The following NKAIN3 variants were observed in gnomAD, a reference collection of about 807,000 sequenced individuals.
The protein encoded by NKAIN3 is sodium/potassium transporting ATPase interacting 3, also known as sodium/potassium-transporting ATPase subunit beta-1-interacting protein 3.
Under a neutral mutation model 30.2 loss-of-function variants are expected in NKAIN3, and 25 were observed. The observed-to-expected ratio is 0.83, with a 90% CI of 0.60 to 1.16. The LOEUF (loss-of-function observed/expected upper bound fraction) is 1.16. Ranked by LOEUF, NKAIN3 falls within the 50% of genes most tolerant of loss-of-function variation. The pLI is 0.00. For synonymous variants in NKAIN3, 91 were observed against 89.6 expected (o/e 1.02, Z -0.09); for missense variants, 225 against 254.1 (o/e 0.89, Z 0.78).
chr8:62,552,195 G>A (rs1037974030), intron 1 of NKAIN3, among the ~76,000 whole-genome samples: 1 of 152,088 alleles, frequency 6.6e-6, no homozygotes, highest in Non-Finnish European at 1.5e-5. Context: ...TTATTTCCAA[G>A]TATGGTTCTC....
In NKAIN3 at chr8:62,294,989, T is replaced by C. The variant is rs147478657; in HGVS notation, c.54+45862T>C. 2.6e-3 allele frequency among the ~76,000 whole-genome samples: 401 copies of C among 152,332 alleles called. 1 individual carries two copies. The highest frequency in any genetic ancestry group is 8.9e-3 in the African/African-American group (371 of 41,578). On this transcript the variant is annotated intron_variant, in intron 1 of 6. Coordinates refer to ENST00000623646, the MANE Select transcript of NKAIN3 (RefSeq NM_001304533.3). ...GGGGCATGTTCCAGTGTTTGTGTCATGTTGTTGGGGTAACCTTTTACATGG... is the reference window on the plus strand; with the variant it reads ...GGGGCATGTTCCAGTGTTTGTGTCACGTTGTTGGGGTAACCTTTTACATGG...
intron 1 of NKAIN3, among the ~76,000 whole-genome samples, chr8:62,441,797 A>G (rs1017089805): frequency 1.3e-5 from 2 of 152,066 alleles, no homozygotes; most frequent in South Asian, 2.1e-4. Flanking sequence ...AAAAACATTG[A>G]TAAGAAACAT....
intron 1 of NKAIN3, among the ~76,000 whole-genome samples, chr8:62,558,910 C>A (rs958806310): frequency 1.3e-5 from 2 of 151,966 alleles, no homozygotes; most frequent in African/African-American, 4.8e-5. Flanking sequence ...AGGTGTTTTT[C>A]TTCCTATAGA....
chr8:62,257,822 A>G (rs1812308884), intron 1 of NKAIN3, among the ~76,000 whole-genome samples: 1 of 152,192 alleles, frequency 6.6e-6, no homozygotes. Context: ...TTTATAAAAT[A>G]ATGAATTGCT....
intron 1 of NKAIN3, among the ~76,000 whole-genome samples, chr8:62,371,885 T>A (rs1165661715): frequency 6.6e-6 from 1 of 151,994 alleles, no homozygotes; most frequent in South Asian, 2.1e-4. Context: ...CCATGGTAAA[T>A]TATTTTCAGT....
chr8:62,877,767 G>A (rs199744990), intron 4 of NKAIN3, among the ~76,000 whole-genome samples: 36 of 152,230 alleles, frequency 2.4e-4, no homozygotes, highest in Non-Finnish European at 4.3e-4. Flanking sequence ...CAGGCCAGGC[G>A]CAGTGGCTCA....
chr8:62,764,222 A>G (rs1816764863), intron 4 of NKAIN3, among the ~76,000 whole-genome samples: 1 of 152,228 alleles, frequency 6.6e-6, no homozygotes, highest in Non-Finnish European at 1.5e-5. Flanking sequence ...TGTACTGAAC[A>G]TATTCCATGT....
intron 1 of NKAIN3, among the ~76,000 whole-genome samples, chr8:62,288,895 C>T (rs2129400036): frequency 6.6e-6 from 1 of 152,306 alleles, no homozygotes; most frequent in Middle Eastern, 3.4e-3. Context: ...ACATCCTCCC[C>T]AGCATCTGTT....
intron 1 of NKAIN3, among the ~76,000 whole-genome samples, chr8:62,268,217 A>G (rs76356147): frequency 6.6e-6 from 1 of 152,306 alleles, no homozygotes; most frequent in East Asian, 1.9e-4. Context: ...ATGCTTCCAC[A>G]TGAAAATACT....
chr8:62,254,715 C>T (rs1180323040), intron 1 of NKAIN3, among the ~76,000 whole-genome samples: 2 of 151,794 alleles, frequency 1.3e-5, no homozygotes, highest in Non-Finnish European at 2.9e-5. Context: ...TCCTAGGAAG[C>T]CAGGTCTGTG....
chr8:62,901,013 C>A (rs1238258576), intron 4 of NKAIN3, among the ~76,000 whole-genome samples: 1 of 152,082 alleles, frequency 6.6e-6, no homozygotes, highest in Non-Finnish European at 1.5e-5. Flanking sequence ...CCCTGCCACC[C>A]AAGAACAGTA....
At chr8:62,740,087 A>G (rs887778178) in intron 3 of NKAIN3, among the ~76,000 whole-genome samples, 5 of 152,168 alleles carry the variant, frequency 3.3e-5, no homozygotes, top group African/African-American at 1.2e-4. Flanking sequence ...ACTTAAACCT[A>G]TCAATCACTC....
chr8:62,987,838 G>A (rs139052547), downstream of NKAIN3, among the ~76,000 whole-genome samples: 1,007 of 152,206 alleles, frequency 6.6e-3, 43 homozygotes, highest in Admixed American at 0.062. Flanking sequence ...ACTCATTACA[G>A]CATTAACACA....
intron 1 of NKAIN3, among the ~76,000 whole-genome samples, chr8:62,531,496 C>T (rs1563443156): frequency 6.6e-6 from 1 of 152,226 alleles, no homozygotes. Flanking sequence ...GAAAGCCACA[C>T]TGGGTGTCAC....
intron 1 of NKAIN3, among the ~76,000 whole-genome samples, chr8:62,322,465 G>A (rs367693096): frequency 1.1e-3 from 175 of 152,238 alleles, no homozygotes; most frequent in African/African-American, 4.1e-3. Context: ...CAGCATCTTG[G>A]CTCCACCCCA....
At chr8:62,438,082 C>A (rs1805222932) in intron 1 of NKAIN3, among the ~76,000 whole-genome samples, 1 of 152,156 alleles carries the variant, frequency 6.6e-6, no homozygotes, top group African/African-American at 2.4e-5. Context: ...CTGTGGGTCC[C>A]ATGAGCAATG....
At chr8:62,357,986 TA>T (rs1327784170) in intron 1 of NKAIN3, among the ~76,000 whole-genome samples, 5 of 152,226 alleles carry the variant, frequency 3.3e-5, no homozygotes, top group African/African-American at 1.2e-4. Flanking sequence ...TTTAAAGGAC[TA>T]AATTCAACAC....
At chr8:62,716,687 A>G (rs947628140) in intron 3 of NKAIN3, among the ~76,000 whole-genome samples, 1 of 152,158 alleles carries the variant, frequency 6.6e-6, no homozygotes, top group Admixed American at 6.5e-5. Flanking sequence ...TGGCATCAGA[A>G]CATTAATAGA....
chr8:62,493,498 G>A (rs1420809381), intron 1 of NKAIN3, among the ~76,000 whole-genome samples: 1 of 151,992 alleles, frequency 6.6e-6, no homozygotes, highest in Non-Finnish European at 1.5e-5. Flanking sequence ...AATTGCCTTG[G>A]TTATTCAGAC....
Sources: allele counts gnomAD v4.1 joint callset (sites outside exome capture counted in the v4.1 genomes callset), GRCh38; gene constraint gnomAD v4.1.1; transcripts MANE v1.5; gene names NCBI Gene and HGNC (gene_info 2026-07-23, HGNC 2026-07-21).